The following DCC variants were observed in gnomAD, a reference collection of about 807,000 sequenced individuals.
DCC encodes the protein netrin receptor DCC.
In DCC, 58 loss-of-function variants were observed where a neutral mutation model predicts 172.5. The observed-to-expected ratio is 0.34, with a 90% CI of 0.27 to 0.42. The LOEUF (loss-of-function observed/expected upper bound fraction) is 0.42, where lower values mean the gene tolerates loss of function less well. Among genes scored for constraint, DCC ranks in the 10% least tolerant of loss-of-function variants. The probability of loss-of-function intolerance (pLI) is 1.00; values close to 1 mark genes in which losing one functional copy is unlikely to be tolerated. For synonymous variants in DCC, 709 were observed against 644.5 expected, an observed-to-expected ratio of 1.10 and a Z score of -1.52; for missense variants, 1,740 against 1,791.0, an observed-to-expected ratio of 0.97 and a Z score of 0.51.
intron 5 of DCC, among the ~76,000 whole-genome samples, chr18:53,057,476 C>G (rs1011272815): frequency 1.3e-5 from 2 of 151,948 alleles, no homozygotes; most frequent in African/African-American, 4.8e-5. Flanking sequence ...CTTGTCTCAG[C>G]CCCCCATAAA....
chr18:53,512,261 G>C (rs2046266348), intron 27 of DCC, among the ~76,000 whole-genome samples: 1 of 150,442 alleles, frequency 6.6e-6, no homozygotes, highest in Non-Finnish European at 1.5e-5. Context: ...CTGTCTGTTA[G>C]AAGGAAAACT....
chr18:53,143,105 G>A (rs1361117318), intron 7 of DCC, among the ~76,000 whole-genome samples: 1 of 152,130 alleles, frequency 6.6e-6, no homozygotes, highest in Non-Finnish European at 1.5e-5. Context: ...CACTCACTAA[G>A]TGGTGGCTGA....
chr18:52,446,889 C>T (rs186600097), intron 1 of DCC, among the ~76,000 whole-genome samples: 16 of 152,286 alleles, frequency 1.1e-4, no homozygotes, highest in Admixed American at 3.9e-4. Flanking sequence ...ATATTACATT[C>T]GGCATAATGC....
At chr18:53,157,539 G>A (rs187640291) in intron 8 of DCC, 27 bp downstream of exon 8, 1 of 1,612,612 alleles carries the variant, frequency 6.2e-7, no homozygotes, top group Non-Finnish European at 8.5e-7. Flanking sequence ...ATAAAATTCA[G>A]CTTAATCGGT....
intron 1 of DCC, among the ~76,000 whole-genome samples, chr18:52,713,397 G>C (rs7506579): frequency 1.3e-5 from 2 of 152,168 alleles, no homozygotes; most frequent in Admixed American, 1.3e-4. Context: ...ACAAGGAAGA[G>C]AGAGCAGAGG....
At position 53,047,804 on chromosome 18, in the gene DCC, C is replaced by T. The variant is rs186298644; in HGVS notation, c.986-15501C>T. Among the ~76,000 whole-genome samples the T allele has an allele frequency of 4.5e-3, 683 of 151,636 alleles. 2 individuals carry two copies. Among genetic ancestry groups the T allele is most frequent in the African/African-American group, 0.014 (567 of 41,412 alleles). On this transcript the variant is annotated intron_variant, in intron 5 of 28. Transcript: ENST00000442544. ...TTGGGCAATGTACTTAACCTCTCTA[C>T]GCCTTATTTTTCTCTTGTGAAAAAT...
intron 27 of DCC, among the ~76,000 whole-genome samples, chr18:53,502,067 A>C (rs2046107805): frequency 6.6e-6 from 1 of 152,202 alleles, no homozygotes; most frequent in Admixed American, 6.5e-5. Flanking sequence ...TCTAATGGCA[A>C]CAAGGCAAAA....
intron 26 of DCC, among the ~76,000 whole-genome samples, chr18:53,497,391 C>G (rs535136365): frequency 1.3e-5 from 2 of 152,180 alleles, no homozygotes; most frequent in South Asian, 4.1e-4. Context: ...TCCTCTGAGA[C>G]CTGTGGTTGG....
At chr18:52,841,710 C>T (rs996239851) in intron 2 of DCC, among the ~76,000 whole-genome samples, 7 of 152,138 alleles carry the variant, frequency 4.6e-5, no homozygotes, top group African/African-American at 1.7e-4. Flanking sequence ...GCTGGAGAGT[C>T]ATCCTGTAGT....
chr18:53,063,856 T>C (rs2042530713), intron 6 of DCC, among the ~76,000 whole-genome samples: 1 of 152,188 alleles, frequency 6.6e-6, no homozygotes, highest in Non-Finnish European at 1.5e-5. Flanking sequence ...TTTTATAAGA[T>C]ATGATACTTA....
chr18:52,779,165 T>TA (rs2037486882), intron 2 of DCC, among the ~76,000 whole-genome samples: 1 of 152,150 alleles, frequency 6.6e-6, no homozygotes, highest in South Asian at 2.1e-4. Context: ...ATAAATCTTT[T>TA]TTTTTATACT....
intron 2 of DCC, among the ~76,000 whole-genome samples, chr18:52,758,121 A>G (rs191958838): frequency 1.3e-5 from 2 of 152,328 alleles, no homozygotes; most frequent in East Asian, 3.9e-4. Flanking sequence ...ACTATGATTT[A>G]GATGTTTTCT....
intron 12 of DCC, among the ~76,000 whole-genome samples, chr18:53,285,917 C>T (rs1320944857): frequency 2.6e-5 from 4 of 152,330 alleles, no homozygotes; most frequent in East Asian, 1.9e-4. Context: ...CTCTGGATTT[C>T]GAACTTGCAT....
rs758979926 is a variant in DCC, at chr18:52,649,721, C to T, written c.92-102333C>T. On this transcript the variant is annotated intron_variant, in intron 1 of 28. Coordinates refer to ENST00000442544, the MANE Select transcript of DCC (RefSeq NM_005215.4). ...TGTCCTCCAATTCTATCCATGTTGCCACAAAAAGACATGATTTCATTTTTT... is the reference window on the plus strand; with the variant it reads ...TGTCCTCCAATTCTATCCATGTTGCTACAAAAAGACATGATTTCATTTTTT... Among the ~76,000 whole-genome samples the T allele has an allele frequency of 2.1e-4, 32 of 151,984 alleles. 1 individual carries two copies. The highest frequency in any genetic ancestry group is 8.5e-4 in the Admixed American group (13 of 15,258).
chr18:52,396,904 G>GTT (rs997487475), intron 1 of DCC, among the ~76,000 whole-genome samples: 16 of 152,130 alleles, frequency 1.1e-4, no homozygotes, highest in African/African-American at 3.9e-4. Flanking sequence ...GAGGGCATAT[G>GTT]TTTTCTTAAT....
intron 1 of DCC, among the ~76,000 whole-genome samples, chr18:52,604,976 A>G (rs1386742735): frequency 6.6e-6 from 1 of 151,856 alleles, no homozygotes; most frequent in Non-Finnish European, 1.5e-5. Flanking sequence ...ATGCACACTC[A>G]TCTGTTTGGG....
At chr18:53,291,032 G>A (rs1416551587) in intron 12 of DCC, among the ~76,000 whole-genome samples, 2 of 152,014 alleles carry the variant, frequency 1.3e-5, no homozygotes, top group African/African-American at 4.8e-5. Flanking sequence ...GCCAGGTGTG[G>A]TGGCAGGCTC....
chr18:52,421,384 C>A (rs868561593), intron 1 of DCC, among the ~76,000 whole-genome samples: 1 of 152,130 alleles, frequency 6.6e-6, no homozygotes, highest in East Asian at 1.9e-4. Context: ...CTGCATATGG[C>A]TAACTATGAG....
intron 27 of DCC, among the ~76,000 whole-genome samples, chr18:53,499,759 A>AC (rs754647045): frequency 2.4e-4 from 36 of 152,254 alleles, no homozygotes; most frequent in Non-Finnish European, 4.4e-4. Context: ...AAGCCAGTCC[A>AC]CCATTTTTAA....
Sources: allele counts gnomAD v4.1 joint callset (sites outside exome capture counted in the v4.1 genomes callset), GRCh38; gene constraint gnomAD v4.1.1; transcripts MANE v1.5; gene names NCBI Gene and HGNC (gene_info 2026-07-23, HGNC 2026-07-21).